The following STK39 variants were observed in gnomAD, a reference collection of about 807,000 sequenced individuals.
STK39 encodes STE20/SPS1-related proline-alanine-rich protein kinase.
In STK39, 20 loss-of-function variants were observed where a neutral mutation model predicts 77.8. The ratio of observed to expected loss-of-function variants is 0.26; its 90% CI spans 0.18 to 0.37. The LOEUF (loss-of-function observed/expected upper bound fraction) is 0.37, where lower values mean the gene tolerates loss of function less well. STK39 is among the 10% of genes least tolerant of loss of function. The probability of loss-of-function intolerance (pLI) is 1.00; values close to 1 mark genes in which losing one functional copy is unlikely to be tolerated. For synonymous variants in STK39, 246 were observed against 234.1 expected (o/e 1.05, Z -0.47); for missense variants, 479 against 656.5 (o/e 0.73, Z 2.95).
chr2:167,990,616 G>T (rs1448861904), intron 16 of STK39, among the ~76,000 whole-genome samples: 2 of 152,152 alleles, frequency 1.3e-5, no homozygotes, highest in African/African-American at 2.4e-5. Flanking sequence ...CTATAAATCT[G>T]AACAGTGCAA....
At chr2:168,036,552 C>T (rs1313392340) in intron 14 of STK39, among the ~76,000 whole-genome samples, 2 of 152,116 alleles carry the variant, frequency 1.3e-5, no homozygotes, top group African/African-American at 2.4e-5. Context: ...AATGTTTATC[C>T]ATATAATTAG....
intron 1 of STK39, among the ~76,000 whole-genome samples, chr2:168,222,780 T>C (rs1385196332): frequency 6.6e-6 from 1 of 152,116 alleles, no homozygotes; most frequent in Non-Finnish European, 1.5e-5. Context: ...GCCATACCAA[T>C]GGAGGGGTAC....
chr2:167,964,076 C>A (rs1480594901), intron 17 of STK39, among the ~76,000 whole-genome samples: 1 of 152,196 alleles, frequency 6.6e-6, no homozygotes, highest in African/African-American at 2.4e-5. Flanking sequence ...CACTCTGTAT[C>A]TCTGTGGCCA....
chr2:168,187,730 G>A (rs1689243175), intron 1 of STK39, among the ~76,000 whole-genome samples: 1 of 152,136 alleles, frequency 6.6e-6, no homozygotes, highest in Admixed American at 6.5e-5. Context: ...CTGTTGATGA[G>A]TATCCCCTTT....
chr2:168,158,671 A>C (rs569266643), intron 5 of STK39, among the ~76,000 whole-genome samples: 18 of 152,328 alleles, frequency 1.2e-4, no homozygotes, highest in African/African-American at 4.1e-4. Context: ...TACACCGCTT[A>C]TTCTACGTGT....
chr2:168,062,034 T>A (rs555895697), intron 14 of STK39, among the ~76,000 whole-genome samples: 2 of 152,286 alleles, frequency 1.3e-5, no homozygotes, highest in African/African-American at 4.8e-5. Context: ...AAAGGGGCCA[T>A]CATGGAGAAA....
chr2:168,220,250 A>G (rs1690133532), intron 1 of STK39, among the ~76,000 whole-genome samples: 1 of 152,074 alleles, frequency 6.6e-6, no homozygotes, highest in South Asian at 2.1e-4. Context: ...AACAGCAACA[A>G]ATGCCCAACA....
intron 10 of STK39, among the ~76,000 whole-genome samples, chr2:168,085,814 C>T (rs781557830): frequency 6.6e-6 from 1 of 152,184 alleles, no homozygotes; most frequent in Non-Finnish European, 1.5e-5. Context: ...GGATTTTTGC[C>T]TTACCTATAA....
intron 10 of STK39, among the ~76,000 whole-genome samples, chr2:168,126,193 C>G (rs1687536808): frequency 6.6e-6 from 1 of 152,066 alleles, no homozygotes; most frequent in Non-Finnish European, 1.5e-5. Flanking sequence ...CTTTGAAAAA[C>G]AGCGAACTGA....
chr2:168,093,996 A>G (rs576636737), intron 10 of STK39, among the ~76,000 whole-genome samples: 1 of 152,312 alleles, frequency 6.6e-6, no homozygotes, highest in African/African-American at 2.4e-5. Context: ...CCTCCACCTG[A>G]GATGGGCCTC....
rs1033433406 is a variant in STK39 at position 167,967,832 on chromosome 2, T to G, written c.1499-3106A>C. On this transcript the variant is annotated intron_variant, in intron 16 of 17. Coordinates refer to ENST00000355999, the MANE Select transcript of STK39 (RefSeq NM_013233.3). ...CTTTTATTTCAGATTCAGGGGTTCA[T>G]ATGCGGGCTTTTTACCTAGGTGTAT... 2.0e-5 allele frequency among the ~76,000 whole-genome samples: 3 copies of G among 149,690 alleles called. No individual in the cohort carries two copies. The East Asian group carries it at 6.1e-4, about 31-fold the overall frequency.
chr2:167,978,664 C>CTT (rs1326500201), intron 16 of STK39, among the ~76,000 whole-genome samples: 1 of 152,146 alleles, frequency 6.6e-6, no homozygotes, highest in Non-Finnish European at 1.5e-5. Flanking sequence ...TTTTTCAAGT[C>CTT]TGAGTATGAA....
intron 1 of STK39, among the ~76,000 whole-genome samples, chr2:168,228,394 G>A (rs1299659768): frequency 6.6e-6 from 1 of 151,970 alleles, no homozygotes; most frequent in African/African-American, 2.4e-5. Context: ...TTCAAACAGT[G>A]TCTAGCCTTG....
intron 16 of STK39, among the ~76,000 whole-genome samples, chr2:168,002,320 T>C (rs1329818947): frequency 6.6e-6 from 1 of 152,228 alleles, no homozygotes; most frequent in East Asian, 1.9e-4. Context: ...TTGGGGAAAT[T>C]ACAGATGTTA....
intron 5 of STK39, among the ~76,000 whole-genome samples, chr2:168,155,174 A>G (rs79892518): frequency 0.011 from 1,655 of 152,280 alleles, 21 homozygotes; most frequent in South Asian, 0.037. Context: ...GCAGGAGAGT[A>G]GAGCAAAGTG....
intron 14 of STK39, among the ~76,000 whole-genome samples, chr2:168,046,710 C>G (rs1446055662): frequency 1.3e-5 from 2 of 152,236 alleles, no homozygotes; most frequent in African/African-American, 4.8e-5. Context: ...CAGTGGCAAC[C>G]AAGAGGAAAA....
At position 168,140,244 on chromosome 2, in the gene STK39, C is replaced by T. The variant is rs202124679; in HGVS notation, c.840+45G>A. 1.1e-5 allele frequency: 16 copies of T among 1,459,590 alleles called. No homozygotes were observed. The South Asian group carries it at 1.7e-4, about 16-fold the overall frequency. 90.4% of individuals were successfully genotyped at this position (1,459,590 alleles called of 1,614,324 possible). On this transcript the variant is annotated intron_variant, in intron 7 of 17. Transcript: ENST00000355999. ...AAGAGAATTAGAAAACAGATTCCGT[C>T]CAATCACATTTCAACCCCGATGTAG...
chr2:168,012,835 A>G (rs1250364788), intron 15 of STK39, 133 bp from the exon 16 acceptor site: 5 of 584,562 alleles, frequency 8.6e-6, no homozygotes, highest in Non-Finnish European at 1.1e-5. Context: ...AGACTCTATC[A>G]GGAGAAAATC....
At chr2:167,960,897 C>T (rs560309236) in intron 17 of STK39, among the ~76,000 whole-genome samples, 3 of 152,240 alleles carry the variant, frequency 2.0e-5, no homozygotes, top group Admixed American at 6.5e-5. Flanking sequence ...ACCTGGAGGG[C>T]TTGTTAAAAC....
Sources: gnomAD v4.1 joint callset for allele counts (sites outside exome capture counted in the v4.1 genomes callset) on GRCh38, gnomAD v4.1.1 for gene constraint, MANE v1.5 for transcripts, NCBI Gene and HGNC (gene_info 2026-07-23, HGNC 2026-07-21) for gene names.